Variants in CFAP91 observed in about 807,000 individuals in gnomAD.
The protein encoded by CFAP91 is cilia- and flagella-associated protein 91.
Under a neutral mutation model 95.9 loss-of-function variants are expected in CFAP91, and 85 were observed. The ratio of observed to expected loss-of-function variants is 0.89; its 90% CI spans 0.74 to 1.06. The LOEUF (loss-of-function observed/expected upper bound fraction) is 1.06, where lower values mean the gene tolerates loss of function less well. Among genes scored for constraint, CFAP91 ranks in the 50% least tolerant of loss-of-function variants. CFAP91 has a pLI of 0.00. For synonymous variants in CFAP91, 335 were observed against 327.5 expected (o/e 1.02, Z -0.25); for missense variants, 962 against 943.4 (o/e 1.02, Z -0.26).
intron 10 of CFAP91, 91 bp from the exon 11 acceptor site, chr3:119,737,275 A>T: frequency 1.4e-6 from 1 of 705,880 alleles, no homozygotes; most frequent in South Asian, 1.9e-5. Context: ...CCATTATGTA[A>T]TACATTCATG....
At chr3:119,754,455 G>A (rs755572403) in intron 17 of CFAP91, among the ~76,000 whole-genome samples, 48 of 152,176 alleles carry the variant, frequency 3.2e-4, no homozygotes, top group African/African-American at 7.5e-4. Flanking sequence ...TGGAAAAAAC[G>A]AGAAAGCTCT....
intron 2 of CFAP91, 118 bp from the exon 3 acceptor site, chr3:119,707,285 TC>T (rs2053383895): frequency 1.3e-6 from 1 of 752,450 alleles, no homozygotes; most frequent in Non-Finnish European, 2.1e-6. Context: ...CAATAACCCC[TC>T]TTCTTATGCT....
chr3:119,733,909 GTAGTTAAAGCTCTAAAGGCTC>G (rs1222929617), intron 10 of CFAP91, among the ~76,000 whole-genome samples: 2 of 152,192 alleles, frequency 1.3e-5, no homozygotes, highest in Admixed American at 6.5e-5. Context: ...CCTTTCTCAT[GTAGTTAAAGCTCTAAAGGCTC>G]TAGTTAAAGC....
At chr3:119,728,179 G>A (rs1386251598) in intron 7 of CFAP91, among the ~76,000 whole-genome samples, 2 of 152,168 alleles carry the variant, frequency 1.3e-5, no homozygotes, top group African/African-American at 4.8e-5. Context: ...ATCAGATGAA[G>A]AAGAAGATAT....
intron 6 of CFAP91, among the ~76,000 whole-genome samples, chr3:119,720,452 G>A (rs2053663300): frequency 6.6e-6 from 1 of 151,052 alleles, no homozygotes; most frequent in African/African-American, 2.4e-5. Flanking sequence ...TAAAGAAAAT[G>A]TAAATTACTA....
At chr3:119,729,270 A>G (rs1157013155) in intron 7 of CFAP91, among the ~76,000 whole-genome samples, 4 of 152,150 alleles carry the variant, frequency 2.6e-5, no homozygotes, top group Non-Finnish European at 4.4e-5. Flanking sequence ...TTCTGGGGGA[A>G]CAAATGAGTA....
intron 10 of CFAP91, among the ~76,000 whole-genome samples, chr3:119,734,333 A>G (rs979176001): frequency 6.6e-6 from 1 of 152,056 alleles, no homozygotes; most frequent in Non-Finnish European, 1.5e-5. Flanking sequence ...ACAGTAATTT[A>G]TGTATATCGA....
At chr3:119,753,847 T>C (rs2054372925) in intron 17 of CFAP91, among the ~76,000 whole-genome samples, 1 of 152,192 alleles carries the variant, frequency 6.6e-6, no homozygotes, top group South Asian at 2.1e-4. Flanking sequence ...CAGTCCATTG[T>C]ATCATTCTTA....
intron 5 of CFAP91, among the ~76,000 whole-genome samples, chr3:119,711,162 A>AT (rs2053465219): frequency 6.6e-6 from 1 of 152,208 alleles, no homozygotes; most frequent in East Asian, 1.9e-4. Context: ...AATCCTCAAG[A>AT]TAAATGCTAG....
intron 17 of CFAP91, among the ~76,000 whole-genome samples, chr3:119,755,549 A>T (rs1433294725): frequency 1.3e-5 from 2 of 152,164 alleles, no homozygotes; most frequent in African/African-American, 4.8e-5. Context: ...GTGAAGACAC[A>T]GTAAGAAGGT....
chr3:119,730,123 T>C (rs2053866219), intron 7 of CFAP91, 97 bp from the exon 8 acceptor site: 2 of 1,276,590 alleles, frequency 1.6e-6, no homozygotes, highest in South Asian at 2.9e-5. Context: ...ATGAATATGA[T>C]AGCAGCCCAC....
At chr3:119,734,798 T>C (rs1299246076) in intron 10 of CFAP91, among the ~76,000 whole-genome samples, 1 of 152,206 alleles carries the variant, frequency 6.6e-6, no homozygotes, top group East Asian at 1.9e-4. Context: ...TGAAGTGAAC[T>C]TGAGAATATT....
At chr3:119,708,731 A>T (rs2053420579) in intron 4 of CFAP91, 57 bp downstream of exon 4, 1 of 1,009,368 alleles carries the variant, frequency 9.9e-7, no homozygotes, top group Non-Finnish European at 1.5e-6. Flanking sequence ...GAACCTCTTT[A>T]TGATAATAAT....
At chr3:119,741,759 C>G (rs993585240) in intron 13 of CFAP91, among the ~76,000 whole-genome samples, 8 of 152,170 alleles carry the variant, frequency 5.3e-5, no homozygotes, top group African/African-American at 1.9e-4. Flanking sequence ...ACATACATAA[C>G]TCTTGTGTTA....
intron 6 of CFAP91, among the ~76,000 whole-genome samples, chr3:119,725,484 TG>T (rs1354319860): frequency 7.2e-5 from 11 of 152,374 alleles, no homozygotes; most frequent in Middle Eastern, 3.4e-3. Context: ...TGTGGCCAAG[TG>T]GCTCACACCT....
intron 17 of CFAP91, among the ~76,000 whole-genome samples, chr3:119,760,087 G>A (rs2054508418): frequency 6.6e-6 from 1 of 151,828 alleles, no homozygotes; most frequent in Non-Finnish European, 1.5e-5. Flanking sequence ...TAGAGTGGCT[G>A]AGTGGATAAA....
chr3:119,755,973 G>A (rs1483859237), intron 17 of CFAP91, among the ~76,000 whole-genome samples: 3 of 152,048 alleles, frequency 2.0e-5, no homozygotes, highest in African/African-American at 7.2e-5. Context: ...AGAGTGAGTA[G>A]GCATGGACCA....
chr3:119,703,194 C>T lies in CFAP91; in HGVS notation c.96C>T (p.Ser32=). 1 of 1,611,478 alleles carries T rather than the reference C, an allele frequency of 6.2e-7. No homozygotes were observed. Among genetic ancestry groups the T allele is most frequent in the Non-Finnish European group, 8.5e-7 (1 of 1,178,952 alleles). Residue 32 remains serine, a synonymous_variant, in exon 1 of 18, where the codon TCC becomes TCT. Coordinates refer to ENST00000273390, the MANE Select transcript of CFAP91 (RefSeq NM_033364.4). ...GGTCGCGGGCTGGGAGCCACATCTC[C>T]TCCAATCGAGCGTATGATTTTCTGT... ...RERSRAGSHI[S]SNRAYDFLYD...
chr3:119,738,352 T>C (rs2054051995), intron 11 of CFAP91, among the ~76,000 whole-genome samples: 1 of 108,808 alleles, frequency 9.2e-6, no homozygotes, highest in Non-Finnish European at 2.0e-5. Flanking sequence ...TTTTTTTTTT[T>C]TTTTTTTTTT....
Sources: allele counts gnomAD v4.1 joint callset (sites outside exome capture counted in the v4.1 genomes callset), GRCh38; gene constraint gnomAD v4.1.1; transcripts MANE v1.5; gene names NCBI Gene and HGNC (gene_info 2026-07-23, HGNC 2026-07-21).